The following KLHL32 variants were observed in gnomAD, a reference collection of about 807,000 sequenced individuals.
The protein encoded by KLHL32 is kelch like family member 32, also known as kelch-like protein 32.
KLHL32 carries 35 observed loss-of-function variants against 64.8 expected under a neutral mutation model. That is an observed-to-expected ratio of 0.54 (90% CI 0.41 to 0.72). KLHL32 has a LOEUF of 0.72. Ranked by LOEUF, KLHL32 falls within the 30% of genes least tolerant of loss-of-function variation. The probability of loss-of-function intolerance (pLI) is 0.00; values close to 1 mark genes in which losing one functional copy is unlikely to be tolerated. For missense variants in KLHL32, 589 were observed against 768.5 expected, an observed-to-expected ratio of 0.77 and a Z score of 2.76; for synonymous variants, 259 against 281.0, an observed-to-expected ratio of 0.92 and a Z score of 0.78.
chr6:97,044,656 A>C (rs772262942), intron 4 of KLHL32, among the ~76,000 whole-genome samples: 1 of 151,862 alleles, frequency 6.6e-6, no homozygotes, highest in Non-Finnish European at 1.5e-5. Context: ...AATGGGAGAT[A>C]TTTTTTATTA....
intron 3 of KLHL32, among the ~76,000 whole-genome samples, chr6:97,026,773 G>C (rs1004102887): frequency 3.3e-5 from 5 of 152,192 alleles, no homozygotes; most frequent in Admixed American, 6.5e-5. Flanking sequence ...GCGATCATTA[G>C]TTTACATTGA....
intron 4 of KLHL32, among the ~76,000 whole-genome samples, chr6:97,042,866 C>T (rs1319312457): frequency 2.6e-5 from 4 of 152,142 alleles, no homozygotes; most frequent in South Asian, 2.1e-4. Context: ...TGTTGGAGGT[C>T]GGGTCTGTAG....
At chr6:96,988,566 A>G (rs1330467677) in intron 3 of KLHL32, among the ~76,000 whole-genome samples, 2 of 152,200 alleles carry the variant, frequency 1.3e-5, no homozygotes, top group African/African-American at 4.8e-5. Flanking sequence ...GGGATCTAGA[A>G]CTAGAAATAC....
At chr6:97,034,094 A>T (rs977139679) in intron 3 of KLHL32, among the ~76,000 whole-genome samples, 1 of 151,084 alleles carries the variant, frequency 6.6e-6, no homozygotes, top group Non-Finnish European at 1.5e-5. Flanking sequence ...CCAAAAAATT[A>T]TTGCTTAGAC....
chr6:97,006,656 C>G (rs776965046), intron 3 of KLHL32, among the ~76,000 whole-genome samples: 1 of 152,126 alleles, frequency 6.6e-6, no homozygotes, highest in Admixed American at 6.5e-5. Flanking sequence ...GGTTAGCACT[C>G]TTTTAAGGAC....
intron 3 of KLHL32, among the ~76,000 whole-genome samples, chr6:96,998,264 G>A (rs976746442): frequency 7.9e-5 from 12 of 152,052 alleles, no homozygotes; most frequent in African/African-American, 1.9e-4. Context: ...AGTCATCCAC[G>A]CCACAGCTTT....
chr6:97,047,606 T>G (rs1365491006), intron 4 of KLHL32, among the ~76,000 whole-genome samples: 1 of 152,158 alleles, frequency 6.6e-6, no homozygotes, highest in Non-Finnish European at 1.5e-5. Flanking sequence ...TCTCCTCACT[T>G]TGAAACTGTG....
chr6:96,978,991 GTTGT>G (rs1301353887), intron 3 of KLHL32, among the ~76,000 whole-genome samples: 2 of 151,988 alleles, frequency 1.3e-5, no homozygotes, highest in South Asian at 2.1e-4. Context: ...TTTTTATGGT[GTTGT>G]TTATTTTTTG....
At chr6:96,977,347 T>C (rs1775819972) in intron 3 of KLHL32, among the ~76,000 whole-genome samples, 1 of 152,242 alleles carries the variant, frequency 6.6e-6, no homozygotes, top group Non-Finnish European at 1.5e-5. Flanking sequence ...TATGTTTGAC[T>C]CTTAACGAGT....
chr6:96,988,871 G>A (rs555462944), intron 3 of KLHL32, among the ~76,000 whole-genome samples: 9 of 151,848 alleles, frequency 5.9e-5, no homozygotes, highest in South Asian at 2.1e-4. Flanking sequence ...ACCAAACACC[G>A]CATGTTCTCA....
At chr6:97,017,886 C>T (rs57328722) in intron 3 of KLHL32, among the ~76,000 whole-genome samples, 4,911 of 152,114 alleles carry the variant, frequency 0.032, 240 homozygotes, top group African/African-American at 0.11. Flanking sequence ...TGCAGAGCCC[C>T]GTGATGGAAG....
chr6:97,000,580 C>T (rs1033106225), intron 3 of KLHL32, among the ~76,000 whole-genome samples: 19 of 152,200 alleles, frequency 1.2e-4, no homozygotes, highest in Middle Eastern at 3.4e-3. Flanking sequence ...TTATGATTTC[C>T]TTGTGAGGTA....
the KLHL32 span, among the ~76,000 whole-genome samples, chr6:96,912,920 G>C: frequency 1.3e-5 from 2 of 152,136 alleles, no homozygotes; most frequent in African/African-American, 4.8e-5. Flanking sequence ...TAAGCCCTGT[G>C]GGAGAAGGAA....
chr6:96,932,579 T>TC (rs1350043384), intron 1 of KLHL32, among the ~76,000 whole-genome samples: 3 of 137,592 alleles, frequency 2.2e-5, no homozygotes, highest in Non-Finnish European at 4.7e-5. Flanking sequence ...CCCCCCCTTT[T>TC]TTTTTTTGAG....
intron 6 of KLHL32, among the ~76,000 whole-genome samples, chr6:97,103,053 A>C (rs1436523883): frequency 6.6e-6 from 1 of 151,640 alleles, no homozygotes; most frequent in Non-Finnish European, 1.5e-5. Flanking sequence ...ATATACCATT[A>C]TATATAAATA....
chr6:97,071,710 C>A lies in KLHL32; in HGVS notation c.411+6984C>A, dbSNP rs78092474. 1.1e-3 allele frequency among the ~76,000 whole-genome samples: 171 copies of A among 152,256 alleles called. 3 individuals carry two copies. The East Asian group carries it at 0.028, about 25-fold the overall frequency. ...GGCATAATCTTACACTCTGCCAAGA[C>A]CTCATGAATTCCACTAAATAGTGTT... is the stretch of plus-strand genomic sequence containing the variant. On this transcript the variant is annotated intron_variant, in intron 5 of 10. Transcript: ENST00000369261.
intron 6 of KLHL32, among the ~76,000 whole-genome samples, chr6:97,106,569 C>G (rs1433953272): frequency 1.3e-5 from 2 of 151,852 alleles, no homozygotes; most frequent in Non-Finnish European, 2.9e-5. Flanking sequence ...ATGGTGAAAC[C>G]CCGTTTCTAC....
At chr6:96,946,883 C>G (rs947495130) in intron 1 of KLHL32, among the ~76,000 whole-genome samples, 1 of 151,938 alleles carries the variant, frequency 6.6e-6, no homozygotes, top group Non-Finnish European at 1.5e-5. Context: ...AAAAGAAAAA[C>G]AAAGGGAACG....
intron 8 of KLHL32, among the ~76,000 whole-genome samples, chr6:97,129,829 G>A (rs1208288836): frequency 3.3e-5 from 5 of 152,138 alleles, no homozygotes; most frequent in Non-Finnish European, 5.9e-5. Context: ...GTTGCAGTGA[G>A]CCGAGATCAT....
Sources: allele counts gnomAD v4.1 joint callset (sites outside exome capture counted in the v4.1 genomes callset), GRCh38; gene constraint gnomAD v4.1.1; transcripts MANE v1.5; gene names NCBI Gene and HGNC (gene_info 2026-07-23, HGNC 2026-07-21).